Variants in HNRNPA1L2 observed in about 807,000 individuals in gnomAD.
HNRNPA1L2 encodes heterogeneous nuclear ribonucleoprotein A1 like 2, also known as heterogeneous nuclear ribonucleoprotein A1-like 2.
HNRNPA1L2 carries 10 observed loss-of-function variants against 18.2 expected under a neutral mutation model. That is an observed-to-expected ratio of 0.55 (90% CI 0.34 to 0.93). The LOEUF (loss-of-function observed/expected upper bound fraction) is 0.93, where lower values mean the gene tolerates loss of function less well. Ranked by LOEUF, HNRNPA1L2 falls within the 40% of genes least tolerant of loss-of-function variation. HNRNPA1L2 has a pLI of 0.02. For missense variants in HNRNPA1L2, 308 were observed against 394.4 expected, an observed-to-expected ratio of 0.78 and a Z score of 1.85; for synonymous variants, 124 against 138.6, an observed-to-expected ratio of 0.89 and a Z score of 0.74.
At chr13:52,622,816 C>T in the HNRNPA1L2 span, among the ~76,000 whole-genome samples, 3 of 151,644 alleles carry the variant, frequency 2.0e-5, no homozygotes, top group African/African-American at 7.3e-5. Context: ...ATTCTAAGTG[C>T]AATCAGTAAT....
At chr13:52,619,442 A>G in the HNRNPA1L2 span, among the ~76,000 whole-genome samples, 1 of 152,116 alleles carries the variant, frequency 6.6e-6, no homozygotes, top group African/African-American at 2.4e-5. Context: ...CCTCCTGAAT[A>G]GCTGGGACTA....
chr13:52,620,695 C>G, the HNRNPA1L2 span, among the ~76,000 whole-genome samples: 1 of 152,062 alleles, frequency 6.6e-6, no homozygotes, highest in Non-Finnish European at 1.5e-5. Flanking sequence ...GGTGGGAGTT[C>G]TAAGTGGGCA....
chr13:52,634,832 CTT>C, the HNRNPA1L2 span, among the ~76,000 whole-genome samples: 1 of 152,166 alleles, frequency 6.6e-6, no homozygotes, highest in South Asian at 2.1e-4. Flanking sequence ...CCTCACTAAC[CTT>C]TCCCCAACTG....
At chr13:52,628,311 C>A in the HNRNPA1L2 span, among the ~76,000 whole-genome samples, 1 of 152,084 alleles carries the variant, frequency 6.6e-6, no homozygotes, top group South Asian at 2.1e-4. Flanking sequence ...GGCATTGTGG[C>A]ATGTGCCGGC....
upstream of HNRNPA1L2, chr13:52,641,749 CT>C (rs1316897594): frequency 6.6e-6 from 1 of 152,160 alleles, no homozygotes; most frequent in African/African-American, 2.4e-5. Flanking sequence ...CTCACCTCTT[CT>C]TTATCTCACC....
the HNRNPA1L2 span, among the ~76,000 whole-genome samples, chr13:52,625,646 T>C: frequency 6.6e-6 from 1 of 152,212 alleles, no homozygotes; most frequent in African/African-American, 2.4e-5. Flanking sequence ...ATCAAATACA[T>C]ATATTAAAAT....
chr13:52,636,121 T>C, the HNRNPA1L2 span, among the ~76,000 whole-genome samples: 1 of 152,140 alleles, frequency 6.6e-6, no homozygotes, highest in Non-Finnish European at 1.5e-5. Flanking sequence ...AGCTGCGAGC[T>C]ACCGTGCCCG....
the HNRNPA1L2 span, among the ~76,000 whole-genome samples, chr13:52,622,861 T>G: frequency 1.3e-5 from 2 of 152,152 alleles, no homozygotes; most frequent in Admixed American, 1.3e-4. Flanking sequence ...AATGGCAGTT[T>G]TTTTTTTTAA....
chr13:52,638,339 G>A (rs1294935513), upstream of HNRNPA1L2, among the ~76,000 whole-genome samples: 1 of 152,194 alleles, frequency 6.6e-6, no homozygotes, highest in South Asian at 2.1e-4. Context: ...AATTTGCTGA[G>A]AATTCCTTAA....
chr13:52,634,267 G>A, the HNRNPA1L2 span, among the ~76,000 whole-genome samples: 1 of 152,168 alleles, frequency 6.6e-6, no homozygotes. Context: ...TTTTTTGTCA[G>A]GGCAGCTGCT....
chr13:52,638,613 C>A (rs190460496), upstream of HNRNPA1L2, among the ~76,000 whole-genome samples: 892 of 152,258 alleles, frequency 5.9e-3, 21 homozygotes, highest in Admixed American at 9.9e-3. Flanking sequence ...ATACAGATAA[C>A]AAAACCCTCT....
chr13:52,642,930 G>A lies in HNRNPA1L2; in HGVS notation c.438G>A (p.Arg146=). The change falls in exon 1 of 1, where the codon AGG becomes AGA. Residue 146 remains arginine (R), a synonymous_variant. Transcript: ENST00000357495. ...IMTDRGSGKK[R]GFAFVTFDDH... is the part of the protein sequence containing the mutation. ...CTGACCGAGGCAGTGGCAAGAAAAG[G>A]GGCTTTGCCTTTGTAACCTTTGACG... The A allele has an allele frequency of 1.3e-6, 2 of 1,596,992 alleles. No homozygotes were observed. Among genetic ancestry groups the A allele is most frequent in the Non-Finnish European group, 1.7e-6 (2 of 1,179,756 alleles).
At chr13:52,619,267 A>G in the HNRNPA1L2 span, among the ~76,000 whole-genome samples, 5 of 152,022 alleles carry the variant, frequency 3.3e-5, no homozygotes, top group Admixed American at 3.3e-4. Context: ...TGCTGGGATT[A>G]CAGGCATGAG....
the HNRNPA1L2 span, among the ~76,000 whole-genome samples, chr13:52,635,857 G>A: frequency 6.4e-4 from 93 of 144,910 alleles, no homozygotes; most frequent in Non-Finnish European, 1.2e-3. Context: ...TTGAGACGGA[G>A]TCTCGCTCTG....
chr13:52,626,291 T>C, the HNRNPA1L2 span, among the ~76,000 whole-genome samples: 1 of 151,934 alleles, frequency 6.6e-6, no homozygotes, highest in East Asian at 1.9e-4. Context: ...TCTCAGTGAG[T>C]TTAAAAATGT....
chr13:52,629,380 C>T, the HNRNPA1L2 span: 1 of 224,244 alleles, frequency 4.5e-6, no homozygotes, highest in South Asian at 8.5e-5. Flanking sequence ...TTGTAGTCTG[C>T]TGGGTTTTGT....
At chr13:52,631,973 C>T in the HNRNPA1L2 span, among the ~76,000 whole-genome samples, 118 of 151,154 alleles carry the variant, frequency 7.8e-4, no homozygotes, top group Admixed American at 4.7e-3. Flanking sequence ...GTGTTTCCTG[C>T]CCTTAAAAAC....
At chr13:52,630,428 C>A in the HNRNPA1L2 span, among the ~76,000 whole-genome samples, 3 of 152,204 alleles carry the variant, frequency 2.0e-5, no homozygotes, top group Non-Finnish European at 4.4e-5. Flanking sequence ...GTGTGCACCA[C>A]CATGCCCAGC....
rs768463086 is a variant in HNRNPA1L2 at position 52,642,759 on chromosome 13, T to C, written c.267T>C (p.Ala89=). 40 of 1,598,718 alleles carry C rather than the reference T, an allele frequency of 2.5e-5. No individual in the cohort carries two copies. The highest frequency in any genetic ancestry group is 2.1e-4 in the Middle Eastern group (1 of 4,794). The change falls in exon 1 of 1, where the codon GCT becomes GCC. Residue 89 remains alanine, a synonymous_variant. Coordinates refer to ENST00000357495, the MANE Select transcript of HNRNPA1L2 (RefSeq NM_001389320.1). ...GAAGAGTTGTGGAACCAAAGAGAGC[T>C]GTCTCCAGAGAAGATTCTCAAAGAC... ...VDGRVVEPKR[A]VSREDSQRPG...
Sources: gnomAD v4.1 joint callset for allele counts (sites outside exome capture counted in the v4.1 genomes callset) on GRCh38, gnomAD v4.1.1 for gene constraint, MANE v1.5 for transcripts, NCBI Gene and HGNC (gene_info 2026-07-23, HGNC 2026-07-21) for gene names.